TTF2: variants seen among roughly 807,000 people sequenced by gnomAD.
TTF2 encodes the protein transcription termination factor 2.
A neutral mutation model predicts 142.4 loss-of-function variants in TTF2; 108 were observed. That is an observed-to-expected ratio of 0.76 (90% confidence interval 0.65 to 0.89). TTF2 has a LOEUF of 0.89. TTF2 is among the 40% of genes least tolerant of loss of function. TTF2 has a pLI of 0.00. For synonymous variants in TTF2, 483 were observed against 506.2 expected (o/e 0.95, Z 0.61); for missense variants, 1,327 against 1,379.8 (o/e 0.96, Z 0.61).
rs747158027 is a variant in TTF2, at chr1:117,060,550, GCCA to G, written c.127_129del (p.Thr43del). ...GGCAGACACGTGCAGCTTCGTGCGG[GCCA>G]CCGAGTAGGTCTGGAGCTGGGCCCC... On this transcript the variant is annotated inframe_deletion, in exon 2 of 23. Coordinates refer to ENST00000369466, the MANE Select transcript of TTF2 (RefSeq NM_003594.4). 10 of 1,609,916 alleles carry G rather than the reference GCCA, an allele frequency of 6.2e-6. No homozygotes were observed. Among genetic ancestry groups the G allele is most frequent in the Non-Finnish European group, 8.5e-6 (10 of 1,177,726 alleles).
intron 4 of TTF2, among the ~76,000 whole-genome samples, chr1:117,074,481 T>C (rs1326484894): frequency 6.6e-6 from 1 of 152,166 alleles, no homozygotes; most frequent in African/African-American, 2.4e-5. Flanking sequence ...CGTCATCTTT[T>C]CTAGACGTGG....
In TTF2 at chr1:117,097,589, G is replaced by C. The variant is rs1280076640; in HGVS notation, c.3269+156G>C. 6.6e-6 allele frequency among the ~76,000 whole-genome samples: 1 copy of C among 152,196 alleles called. No individual in the cohort carries two copies. The highest frequency in any genetic ancestry group is 2.4e-5 in the African/African-American group (1 of 41,442). ...GTCTATAGATACAGATCTAAGCAGG[G>C]TATAGGGCTAGCTGACTCCCCTGAA... On this transcript the variant is annotated intron_variant, in intron 21 of 22. Coordinates refer to ENST00000369466, the MANE Select transcript of TTF2 (RefSeq NM_003594.4). This position sits in a 1 kb window ranked among gnomAD's most constrained non-coding sequence, Gnocchi z 4.1.
rs1490931208 is a variant in TTF2, at chr1:117,106,155, T to C, written c.*4631T>C. 6.6e-6 allele frequency: 1 copy of C among 151,960 alleles called. No homozygotes were observed. The highest frequency in any genetic ancestry group is 1.5e-5 in the Non-Finnish European group (1 of 68,000). 9.4% of individuals were successfully genotyped at this position (151,960 alleles called of 1,614,324 possible). On this transcript the variant is annotated 3_prime_UTR_variant, in exon 23 of 23. Coordinates refer to ENST00000369466, the MANE Select transcript of TTF2 (RefSeq NM_003594.4). ...GCACAAAGAGAATTATAATAGAAAT[T>C]CAGAATTCCTAGGCATATGACCTAG... is the stretch of plus-strand genomic sequence containing the variant.
rs375358739 is a variant in TTF2 at position 117,060,493 on chromosome 1, C to A, written c.67C>A (p.Pro23Thr). 8 of 1,613,872 alleles carry A rather than the reference C, an allele frequency of 5.0e-6. No individual in the cohort carries two copies. The highest frequency in any genetic ancestry group is 6.8e-6 in the Non-Finnish European group (8 of 1,179,888). ...TCTTAAGACCGGCGTCCGCGATGGC[C>A]CGAATAAAGGAAAGAGCTTCTACGT... is the stretch of plus-strand genomic sequence containing the variant. Reference protein sequence around the residue: ...CFLKTGVRDGPNKGKSFYVCR... With the variant: ...CFLKTGVRDGTNKGKSFYVCR... The change falls in exon 2 of 23, where the codon CCG becomes ACG. Residue 23 changes from proline to threonine, a missense_variant. By Grantham distance (38) the Pro-to-Thr change is conservative (BLOSUM62 -1). Coordinates refer to ENST00000369466, the MANE Select transcript of TTF2 (RefSeq NM_003594.4).
rs564307518 is a variant in TTF2 at position 117,097,598 on chromosome 1, T to C, written c.3269+165T>C. ...TACAGATCTAAGCAGGGTATAGGGCTAGCTGACTCCCCTGAATTCCTGAGC... is the reference window on the plus strand; with the variant it reads ...TACAGATCTAAGCAGGGTATAGGGCCAGCTGACTCCCCTGAATTCCTGAGC... On this transcript the variant is annotated intron_variant, in intron 21 of 22. Coordinates refer to ENST00000369466, the MANE Select transcript of TTF2 (RefSeq NM_003594.4). The surrounding 1 kb of genome is among the most constrained non-coding windows in gnomAD (Gnocchi z 4.1). Among the ~76,000 whole-genome samples the C allele has an allele frequency of 2.6e-5, 4 of 152,344 alleles. No individual in the cohort carries two copies. Among genetic ancestry groups the C allele is most frequent in the Non-Finnish European group, 5.9e-5 (4 of 68,030 alleles).
chr1:117,098,677 T>C (rs1649354231), intron 21 of TTF2, 156 bp from the exon 22 acceptor site: 1 of 621,756 alleles, frequency 1.6e-6, no homozygotes, highest in African/African-American at 1.9e-5. Flanking sequence ...GTGTGTTTTG[T>C]TTTGCTTTGC....
Position 117,084,053 on chromosome 1 carries a change from A to C in TTF2, c.1939A>C (p.Ile647Leu). 1 of 1,614,192 alleles carries C rather than the reference A, an allele frequency of 6.2e-7. No individual in the cohort carries two copies. Among genetic ancestry groups the C allele is most frequent in the Non-Finnish European group, 8.5e-7 (1 of 1,180,032 alleles). The stretch of plus-strand genomic sequence containing the variant: ...CTTTACTTCCCATGGAACACTAATC[A>C]TCTGTCCTGCCTCCCTGATCCATCA... ...CDFTSHGTLI[I>L]CPASLIHHWK... Residue 647 changes from isoleucine (I) to leucine (L), a missense_variant, in exon 11 of 23, where the codon ATC becomes CTC. Transcript: ENST00000369466.
Position 117,090,813 on chromosome 1 carries a change from C to T in TTF2, c.2588+190C>T, listed in dbSNP as rs1362924533. ...CCAGCTTACCTCTGTCTCATACACA[C>T]ATGGAAGGCAAAATTTTGAACCTAC... On this transcript the variant is annotated intron_variant, in intron 15 of 22. Transcript: ENST00000369466. This position sits in a 1 kb window ranked among gnomAD's most constrained non-coding sequence, Gnocchi z 4.8. Among the ~76,000 whole-genome samples the T allele has an allele frequency of 6.6e-6, 1 of 151,984 alleles. No individual in the cohort carries two copies. The highest frequency in any genetic ancestry group is 2.4e-5 in the African/African-American group (1 of 41,352).
At chr1:117,091,283 A>C (rs760984599) in intron 15 of TTF2, 45 bp from the exon 16 acceptor site, 1 of 1,535,620 alleles carries the variant, frequency 6.5e-7, no homozygotes, top group Non-Finnish European at 8.9e-7. Context: ...AGCAGGTCTT[A>C]GTGACCATTA....
intron 3 of TTF2, among the ~76,000 whole-genome samples, chr1:117,068,365 C>G (rs943144619): frequency 6.6e-6 from 1 of 151,572 alleles, no homozygotes; most frequent in African/African-American, 2.4e-5. Flanking sequence ...GGACATAGGG[C>G]GTGGAACATC....
Position 117,106,337 on chromosome 1 carries a change from C to T in TTF2, c.*4813C>T, listed in dbSNP as rs1175808247. The T allele has an allele frequency of 6.6e-6, 1 of 151,436 alleles. No individual in the cohort carries two copies. 9.4% of individuals were successfully genotyped at this position (151,436 alleles called of 1,614,324 possible). On this transcript the variant is annotated 3_prime_UTR_variant, in exon 23 of 23. Transcript: ENST00000369466. Reference sequence around the variant, plus strand: ...GGGAAGAGGGGCGACAGATATGCAGCTACACAATGTTTTTACTATCTTGAG... The same window carrying T: ...GGGAAGAGGGGCGACAGATATGCAGTTACACAATGTTTTTACTATCTTGAG...
rs934229520 is a variant in TTF2 at position 117,106,487 on chromosome 1, CTT to C, written c.*4967_*4968del. ...GTAATTCAGAAATGTATATTGAACA[CTT>C]TTTATATGCCAGGCACTGCTGGGCA... On this transcript the variant is annotated 3_prime_UTR_variant, in exon 23 of 23. Transcript: ENST00000369466. 6.6e-6 allele frequency: 1 copy of C among 152,292 alleles called. No individual in the cohort carries two copies. Among genetic ancestry groups the C allele is most frequent in the East Asian group, 1.9e-4 (1 of 5,184 alleles). The allele number at this position is 152,292 out of a possible 1,614,324, so 9.4% of individuals were successfully genotyped here.
rs73006058 is a variant in TTF2 at position 117,099,509 on chromosome 1, G to A, written c.3344+602G>A. 0.022 allele frequency among the ~76,000 whole-genome samples: 3,277 copies of A among 152,254 alleles called. 115 individuals are homozygous for A. The highest frequency in any genetic ancestry group is 0.075 in the African/African-American group (3,112 of 41,542). On this transcript the variant is annotated intron_variant, in intron 22 of 22. Transcript: ENST00000369466. This position sits in a 1 kb window ranked among gnomAD's most constrained non-coding sequence, Gnocchi z 4.3. Reference sequence around the variant, plus strand: ...AAAGAATCCCAGATCCTGGTAGCACGCAGTTTTCATAAGTTTGTCTCCTTT... The same window carrying A: ...AAAGAATCCCAGATCCTGGTAGCACACAGTTTTCATAAGTTTGTCTCCTTT...
rs1649458895 is a variant in TTF2 at position 117,100,053 on chromosome 1, T to G, written c.3344+1146T>G. ...CGAGTGTCCACATACTCATCTGTTA[T>G]TCCTTCTTTTATTCATTGTTCTTTT... On this transcript the variant is annotated intron_variant, in intron 22 of 22. Coordinates refer to ENST00000369466, the MANE Select transcript of TTF2 (RefSeq NM_003594.4). The surrounding 1 kb of genome is among the most constrained non-coding windows in gnomAD (Gnocchi z 4.6). 2.0e-5 allele frequency among the ~76,000 whole-genome samples: 3 copies of G among 152,250 alleles called. No individual in the cohort carries two copies. Among genetic ancestry groups the G allele is most frequent in the African/African-American group, 7.2e-5 (3 of 41,472 alleles).
chr1:117,064,919 A>G (rs751161275), intron 3 of TTF2, among the ~76,000 whole-genome samples: 2 of 151,118 alleles, frequency 1.3e-5, no homozygotes, highest in African/African-American at 2.4e-5. Flanking sequence ...CAGGTAGGGT[A>G]GAGGTTCATT....
Position 117,076,355 on chromosome 1 carries a change from A to C in TTF2, c.1390+61A>C. 7.5e-7 allele frequency: 1 copy of C among 1,328,202 alleles called. No homozygotes were observed. The highest frequency in any genetic ancestry group is 1.1e-6 in the Non-Finnish European group (1 of 950,018). The allele number at this position is 1,328,202 out of a possible 1,614,324, so 82.3% of individuals were successfully genotyped here. On this transcript the variant is annotated intron_variant, in intron 6 of 22. Transcript: ENST00000369466. This position sits in a 1 kb window ranked among gnomAD's most constrained non-coding sequence, Gnocchi z 4.6. The stretch of plus-strand genomic sequence containing the variant: ...ATCGACTTTACAAGAGACATTCGGG[A>C]AGCCCTTTTAATAAAGAATGTGTTG...
intron 11 of TTF2, among the ~76,000 whole-genome samples, chr1:117,084,723 G>A (rs952038957): frequency 2.0e-5 from 3 of 152,174 alleles, no homozygotes; most frequent in African/African-American, 7.2e-5. Context: ...GGCAATCTTA[G>A]TCCTAGTCTT....
intron 3 of TTF2, among the ~76,000 whole-genome samples, chr1:117,062,857 T>C (rs1365195456): frequency 1.3e-5 from 2 of 152,198 alleles, no homozygotes; most frequent in Non-Finnish European, 2.9e-5. Context: ...TTTCTTTTCC[T>C]TTATATGGGA....
In TTF2 at chr1:117,086,487, G is replaced by A. The variant is rs1197106404; in HGVS notation, c.2125G>A (p.Glu709Lys). ...CAAGGAGATTCCCACAAACAAGCAA[G>A]AGGCAGAGATCCCAGGTGCAAACCT... ...VAKEIPTNKQEAEIPGANLNV... is the reference protein window; with the variant it reads ...VAKEIPTNKQKAEIPGANLNV... Residue 709 changes from glutamate (E) to lysine (K), a missense_variant, in exon 12 of 23, where the codon GAG (glutamate) becomes AAG (lysine). Transcript: ENST00000369466. This position sits in a 1 kb window ranked among gnomAD's most constrained non-coding sequence, Gnocchi z 4.2. 6.2e-7 allele frequency: 1 copy of A among 1,613,996 alleles called. No homozygotes were observed. Among genetic ancestry groups the A allele is most frequent in the African/African-American group, 1.3e-5 (1 of 74,916 alleles).
Sources: allele counts gnomAD v4.1 joint callset (sites outside exome capture counted in the v4.1 genomes callset), GRCh38; gene constraint gnomAD v4.1.1; non-coding constraint Gnocchi (gnomAD v3.1); transcripts MANE v1.5; gene names NCBI Gene and HGNC (gene_info 2026-07-23, HGNC 2026-07-21).